The following DNAJC6 variants were observed in gnomAD, a reference collection of about 807,000 sequenced individuals.
DNAJC6 encodes the protein auxilin.
A neutral mutation model predicts 110.0 loss-of-function variants in DNAJC6; 34 were observed. That is an observed-to-expected ratio of 0.31 (90% CI 0.24 to 0.41). The LOEUF (loss-of-function observed/expected upper bound fraction) is 0.41, where lower values mean the gene tolerates loss of function less well. Among genes scored for constraint, DNAJC6 ranks in the 10% least tolerant of loss-of-function variants. The pLI, the probability that DNAJC6 is intolerant of heterozygous loss-of-function variation, is 1.00. For synonymous variants in DNAJC6, 406 were observed against 437.2 expected (o/e 0.93, Z 0.89); for missense variants, 1,031 against 1,207.8 (o/e 0.85, Z 2.17).
chr1:65,342,367 C>T lies in DNAJC6; in HGVS notation c.194-22268C>T, dbSNP rs556075806. ...GTTGTGATGGCAGAGCCATCGTGAA[C>T]GAGATTAGTGCCTTTATAAAAGAGG... is the stretch of plus-strand genomic sequence containing the variant. On this transcript the variant is annotated intron_variant, in intron 1 of 18. Transcript: ENST00000371069. Among the ~76,000 whole-genome samples, 20 of 152,180 alleles carry T rather than the reference C, an allele frequency of 1.3e-4. No individual in the cohort carries two copies. The South Asian group carries it at 2.7e-3, about 21-fold the overall frequency.
At chr1:65,407,653 C>T (rs1183727402) in intron 16 of DNAJC6, among the ~76,000 whole-genome samples, 1 of 152,120 alleles carries the variant, frequency 6.6e-6, no homozygotes. Context: ...TGCCAATTCC[C>T]CTCCATTTTT....
chr1:65,297,319 C>G (rs548457227), intron 1 of DNAJC6, among the ~76,000 whole-genome samples: 5 of 152,062 alleles, frequency 3.3e-5, no homozygotes, highest in Admixed American at 2.0e-4. Context: ...GATAGGAAAC[C>G]CTTGAATAGT....
chr1:65,302,523 CTTTT>C (rs1169755787), intron 1 of DNAJC6, among the ~76,000 whole-genome samples: 9 of 85,336 alleles, frequency 1.1e-4, no homozygotes, highest in Admixed American at 4.6e-4. Context: ...CTCTTCCTTT[CTTTT>C]TTTTTTTTTT....
intron 1 of DNAJC6, among the ~76,000 whole-genome samples, chr1:65,352,142 T>C (rs982482000): frequency 1.3e-5 from 2 of 152,176 alleles, no homozygotes; most frequent in Admixed American, 1.3e-4. Context: ...AAAAGTTAAG[T>C]CATGGCAATG....
intron 17 of DNAJC6, 106 bp downstream of exon 17, chr1:65,408,889 C>T: frequency 7.6e-7 from 1 of 1,319,980 alleles, no homozygotes; most frequent in Non-Finnish European, 1.0e-6. Flanking sequence ...TGTCTTAGCC[C>T]ATTCAGGCTG....
intron 1 of DNAJC6, among the ~76,000 whole-genome samples, chr1:65,282,335 T>C (rs568220199): frequency 5.4e-4 from 83 of 152,338 alleles, no homozygotes; most frequent in Non-Finnish European, 9.6e-4. Context: ...CTGCAGTGTT[T>C]GTTGAGATGC....
intron 17 of DNAJC6, among the ~76,000 whole-genome samples, chr1:65,410,992 G>C (rs896758133): frequency 1.3e-5 from 2 of 152,192 alleles, no homozygotes; most frequent in Non-Finnish European, 2.9e-5. Flanking sequence ...GGATGGGAGA[G>C]AAAGGAATTC....
At chr1:65,364,566 G>T in intron 1 of DNAJC6, 69 bp from the exon 2 acceptor site, 1 of 1,508,410 alleles carries the variant, frequency 6.6e-7, no homozygotes, top group East Asian at 2.3e-5. Flanking sequence ...AGAATGAAGA[G>T]GGATTGGTTT....
At chr1:65,320,360 T>C (rs1416701154) in intron 1 of DNAJC6, among the ~76,000 whole-genome samples, 1 of 152,220 alleles carries the variant, frequency 6.6e-6, no homozygotes, top group Admixed American at 6.5e-5. Context: ...GAAGCCTAGA[T>C]ATATTGCTCT....
At chr1:65,271,384 A>G (rs538652328) in intron 1 of DNAJC6, among the ~76,000 whole-genome samples, 27 of 152,254 alleles carry the variant, frequency 1.8e-4, no homozygotes, top group Admixed American at 1.0e-3. Flanking sequence ...CTTTGTGCCT[A>G]TTGATCAGCA....
chr1:65,360,165 T>C (rs1336528395), intron 1 of DNAJC6, among the ~76,000 whole-genome samples: 1 of 152,226 alleles, frequency 6.6e-6, no homozygotes, highest in Non-Finnish European at 1.5e-5. Context: ...ATCTGCACTT[T>C]TGGCACTTAT....
At chr1:65,352,205 A>G (rs1332094560) in intron 1 of DNAJC6, among the ~76,000 whole-genome samples, 10 of 152,228 alleles carry the variant, frequency 6.6e-5, no homozygotes, top group Admixed American at 6.5e-4. Flanking sequence ...GCATAGGGAT[A>G]CATTGCTAAT....
chr1:65,328,943 C>T (rs2101444425), intron 1 of DNAJC6, among the ~76,000 whole-genome samples: 1 of 152,288 alleles, frequency 6.6e-6, no homozygotes, highest in South Asian at 2.1e-4. Context: ...TCTTGTCTGA[C>T]CTTCTAAGTC....
At chr1:65,265,875 G>T (rs770162781) in intron 1 of DNAJC6, among the ~76,000 whole-genome samples, 1 of 151,874 alleles carries the variant, frequency 6.6e-6, no homozygotes, top group Non-Finnish European at 1.5e-5. Flanking sequence ...CCGCGCGGCG[G>T]TGCCGGGCCC....
intron 5 of DNAJC6, among the ~76,000 whole-genome samples, chr1:65,380,919 T>TG (rs1645813900): frequency 7.7e-6 from 1 of 129,518 alleles, no homozygotes; most frequent in Non-Finnish European, 1.5e-5. Context: ...TTGTTTTGTT[T>TG]TGTTTTTTTT....
rs1644991885 is a variant in DNAJC6 at position 65,302,219 on chromosome 1, TATA to T, written c.-131+37291_-131+37293del. 9.9e-5 allele frequency among the ~76,000 whole-genome samples: 14 copies of T among 141,972 alleles called. No individual in the cohort carries two copies. The South Asian group carries it at 3.0e-3, about 30-fold the overall frequency. The allele number at this position is 141,972 out of a possible 152,430, so 93.1% of individuals were successfully genotyped here. ...TATATACATTAATATATTATATCAATATAATATACTATTATATTGATATATTAA... is the reference window on the plus strand; with the variant it reads ...TATATACATTAATATATTATATCAATATATACTATTATATTGATATATTAA... On this transcript the variant is annotated intron_variant, in intron 1 of 19. Transcript: ENST00000263441.
intron 13 of DNAJC6, 135 bp downstream of exon 13, chr1:65,395,167 A>G: frequency 4.1e-6 from 4 of 978,318 alleles, no homozygotes; most frequent in Non-Finnish European, 5.7e-6. Flanking sequence ...TTTGAAATTA[A>G]CAACTCACCT....
At chr1:65,380,921 G>T (rs6693733) in intron 5 of DNAJC6, among the ~76,000 whole-genome samples, 61,275 of 98,948 alleles carry the variant, frequency 0.62, 19,694 homozygotes, top group African/African-American at 0.81. Flanking sequence ...GTTTTGTTTT[G>T]TTTTTTTTTT....
At chr1:65,322,348 G>A (rs184764797) in intron 1 of DNAJC6, among the ~76,000 whole-genome samples, 1 of 152,044 alleles carries the variant, frequency 6.6e-6, no homozygotes, top group East Asian at 1.9e-4. Context: ...CACAGACATG[G>A]ATTCTTGCAT....
Sources: allele counts gnomAD v4.1 joint callset (sites outside exome capture counted in the v4.1 genomes callset), GRCh38; gene constraint gnomAD v4.1.1; transcripts MANE v1.5; gene names NCBI Gene and HGNC (gene_info 2026-07-23, HGNC 2026-07-21).